The following CARMIL1 variants were observed in gnomAD, a reference collection of about 807,000 sequenced individuals.
The protein encoded by CARMIL1 is F-actin-uncapping protein LRRC16A.
Under a neutral mutation model 177.1 loss-of-function variants are expected in CARMIL1, and 90 were observed. That is an observed-to-expected ratio of 0.51 (90% CI 0.43 to 0.61). The LOEUF is 0.61. Ranked by LOEUF, CARMIL1 falls within the 20% of genes least tolerant of loss-of-function variation. The pLI is 0.00. For missense variants in CARMIL1, 1,380 were observed against 1,667.0 expected (o/e 0.83, Z 3.00); for synonymous variants, 577 against 606.2 (o/e 0.95, Z 0.71).
At chr6:25,582,687 C>A (rs1350314734) in intron 31 of CARMIL1, among the ~76,000 whole-genome samples, 2 of 152,126 alleles carry the variant, frequency 1.3e-5, no homozygotes, top group Non-Finnish European at 2.9e-5. Flanking sequence ...TTATTGCTTC[C>A]CCCCATCTCC....
chr6:25,471,320 A>T, intron 10 of CARMIL1, 63 bp downstream of exon 10: 1 of 1,175,356 alleles, frequency 8.5e-7, no homozygotes, highest in Non-Finnish European at 1.2e-6. Context: ...TGCTCTTCTA[A>T]TTAATTCATA....
chr6:25,564,303 G>C (rs1015289750), intron 29 of CARMIL1, among the ~76,000 whole-genome samples: 2 of 152,162 alleles, frequency 1.3e-5, no homozygotes, highest in Non-Finnish European at 2.9e-5. Context: ...AGAGATGCAG[G>C]AGTAGAAGAG....
At chr6:25,338,117 C>T (rs61474278) in intron 2 of CARMIL1, among the ~76,000 whole-genome samples, 1,662 of 152,058 alleles carry the variant, frequency 0.011, 27 homozygotes, top group African/African-American at 0.038. Context: ...ATTAGCCAGG[C>T]GTGGTGGCGC....
intron 16 of CARMIL1, among the ~76,000 whole-genome samples, chr6:25,495,719 C>T (rs915398690): frequency 6.6e-6 from 1 of 152,154 alleles, no homozygotes; most frequent in South Asian, 2.1e-4. Flanking sequence ...TTTTATTTGG[C>T]AGCCAACTTA....
chr6:25,561,681 CT>C (rs1811126721), intron 29 of CARMIL1, among the ~76,000 whole-genome samples: 1 of 152,178 alleles, frequency 6.6e-6, no homozygotes, highest in Admixed American at 6.5e-5. Context: ...AACAAATGGC[CT>C]TATTCTCAAG....
intron 24 of CARMIL1, among the ~76,000 whole-genome samples, chr6:25,534,110 C>T (rs1331397213): frequency 2.0e-5 from 3 of 151,682 alleles, no homozygotes; most frequent in Admixed American, 2.0e-4. Flanking sequence ...TACTAACTAC[C>T]TTCTACGTCT....
chr6:25,313,683 G>GCATGTATATATATATATATATATA lies in CARMIL1; in HGVS notation c.138+28774_138+28775insCATGTATATATATATATATATATA. Reference sequence around the variant, plus strand: ...TAAAGATCTTTACCCAGGGAAGGCTGTATATATACAGTTATTTGGGAGAAA... The same window carrying GCATGTATATATATATATATATATA: ...TAAAGATCTTTACCCAGGGAAGGCTGCATGTATATATATATATATATATATATATATACAGTTATTTGGGAGAAA... On this transcript the variant is annotated intron_variant, in intron 2 of 36. Transcript: ENST00000329474. 2.2e-5 allele frequency among the ~76,000 whole-genome samples: 3 copies of GCATGTATATATATATATATATATA among 133,858 alleles called. No homozygotes were observed. The South Asian group carries it at 7.9e-4, about 35-fold the overall frequency. 87.8% of individuals were successfully genotyped at this position (133,858 alleles called of 152,430 possible). A position where few individuals can be genotyped will look rare whatever the true frequency, so the allele number is the denominator to read the frequency against.
chr6:25,616,589 G>T (rs1290771089), intron 36 of CARMIL1, among the ~76,000 whole-genome samples: 2 of 152,068 alleles, frequency 1.3e-5, no homozygotes, highest in African/African-American at 4.8e-5. Context: ...ATGAATAAAT[G>T]CTTGCATGCA....
chr6:25,431,853 C>G (rs1796818800), intron 4 of CARMIL1, among the ~76,000 whole-genome samples: 1 of 152,172 alleles, frequency 6.6e-6, no homozygotes, highest in South Asian at 2.1e-4. Context: ...TACAACAGTG[C>G]TTCAATTTAA....
At chr6:25,582,154 A>G (rs1220072741) in intron 31 of CARMIL1, among the ~76,000 whole-genome samples, 1 of 151,778 alleles carries the variant, frequency 6.6e-6, no homozygotes, top group Non-Finnish European at 1.5e-5. Context: ...ATATCTACCT[A>G]CCCTTTAAAC....
chr6:25,598,520 TG>T (rs1815069447), intron 32 of CARMIL1, among the ~76,000 whole-genome samples: 1 of 152,186 alleles, frequency 6.6e-6, no homozygotes, highest in African/African-American at 2.4e-5. Context: ...ATTATAGGCA[TG>T]AACTACCATG....
intron 8 of CARMIL1, among the ~76,000 whole-genome samples, chr6:25,463,791 TAA>T (rs1800328114): frequency 6.8e-6 from 1 of 147,854 alleles, no homozygotes; most frequent in Admixed American, 6.8e-5. Context: ...GGGAAGACCA[TAA>T]AATAACTATT....
intron 11 of CARMIL1, among the ~76,000 whole-genome samples, chr6:25,479,796 T>C (rs992872943): frequency 6.6e-6 from 1 of 152,158 alleles, no homozygotes; most frequent in Non-Finnish European, 1.5e-5. Context: ...TTTAGGTCTA[T>C]TGATTTCTCT....
chr6:25,447,021 CT>C (rs1425293439), intron 5 of CARMIL1, among the ~76,000 whole-genome samples: 1 of 152,138 alleles, frequency 6.6e-6, no homozygotes, highest in Non-Finnish European at 1.5e-5. Flanking sequence ...TCAAAGATCA[CT>C]GATCACGTCA....
chr6:25,473,623 G>T (rs1246698981), intron 11 of CARMIL1, among the ~76,000 whole-genome samples: 1 of 152,180 alleles, frequency 6.6e-6, no homozygotes, highest in African/African-American at 2.4e-5. Context: ...TAATCTTGCT[G>T]TGTCAGCAGT....
intron 2 of CARMIL1, among the ~76,000 whole-genome samples, chr6:25,324,176 A>G (rs1351220299): frequency 6.6e-6 from 1 of 152,178 alleles, no homozygotes; most frequent in East Asian, 1.9e-4. Context: ...TGCTGCTGCC[A>G]CAGAGGGTAG....
chr6:25,605,457 A>G (rs1815859218), intron 34 of CARMIL1, among the ~76,000 whole-genome samples: 1 of 152,220 alleles, frequency 6.6e-6, no homozygotes, highest in African/African-American at 2.4e-5. Context: ...ATGCATAGCT[A>G]CAGTATCTTG....
chr6:25,493,419 A>G (rs1250124658), intron 15 of CARMIL1, among the ~76,000 whole-genome samples: 1 of 152,240 alleles, frequency 6.6e-6, no homozygotes, highest in Non-Finnish European at 1.5e-5. Context: ...TCATTAGTGT[A>G]TCCATCAGGA....
At chr6:25,393,707 A>G (rs1263436630) in intron 2 of CARMIL1, among the ~76,000 whole-genome samples, 2 of 142,888 alleles carry the variant, frequency 1.4e-5, no homozygotes, top group Non-Finnish European at 3.1e-5. Context: ...GACCTGCTCT[A>G]CAATTTTTTT....
Sources: allele counts gnomAD v4.1 joint callset (sites outside exome capture counted in the v4.1 genomes callset), GRCh38; gene constraint gnomAD v4.1.1; transcripts MANE v1.5; gene names NCBI Gene and HGNC (gene_info 2026-07-23, HGNC 2026-07-21).